The following SNAP91 variants were observed in gnomAD, a reference collection of about 807,000 sequenced individuals.
The protein encoded by SNAP91 is clathrin coat assembly protein AP180.
SNAP91 carries 27 observed loss-of-function variants against 100.3 expected under a neutral mutation model. The observed-to-expected ratio is 0.27, with a 90% CI of 0.20 to 0.37. SNAP91 has a LOEUF of 0.37. Ranked by LOEUF, SNAP91 falls within the 10% of genes least tolerant of loss-of-function variation. The pLI, the probability that SNAP91 is intolerant of heterozygous loss-of-function variation, is 1.00. For missense variants in SNAP91, 986 were observed against 1,123.7 expected (o/e 0.88, Z 1.75); for synonymous variants, 404 against 398.6 (o/e 1.01, Z -0.16).
At chr6:83,669,427 A>G (rs1239187594) in intron 2 of SNAP91, among the ~76,000 whole-genome samples, 1 of 152,034 alleles carries the variant, frequency 6.6e-6, no homozygotes, top group African/African-American at 2.4e-5. Context: ...TAGAATTCTA[A>G]GTTTTATTTG....
chr6:83,591,185 AC>A (rs764046983), intron 22 of SNAP91, 25 bp downstream of exon 22: 2 of 1,462,760 alleles, frequency 1.4e-6, no homozygotes, highest in East Asian at 2.3e-5. Context: ...TTTAACTTCT[AC>A]AAAATACCAT....
chr6:83,629,930 G>A (rs999134077), intron 8 of SNAP91, among the ~76,000 whole-genome samples: 2 of 152,066 alleles, frequency 1.3e-5, no homozygotes, highest in Non-Finnish European at 2.9e-5. Context: ...TCTTGTTCCA[G>A]TTCTCAGAGG....
chr6:83,706,436 T>C (rs896915936), intron 2 of SNAP91, among the ~76,000 whole-genome samples: 2 of 152,244 alleles, frequency 1.3e-5, no homozygotes, highest in African/African-American at 4.8e-5. Flanking sequence ...ACTGCATATA[T>C]AACATATAAT....
At position 83,582,357 on chromosome 6, in the gene SNAP91, CT is replaced by C; in HGVS notation, c.2015-2del. 1 of 1,609,572 alleles carries C rather than the reference CT, an allele frequency of 6.2e-7. No individual in the cohort carries two copies. The highest frequency in any genetic ancestry group is 2.2e-5 in the East Asian group (1 of 44,792). ...GGCGCCATGAAAGAACCCCCAAATCCTGAAAAAAAGTTCCAAAAAAACAAGC... is the reference window on the plus strand; with the variant it reads ...GGCGCCATGAAAGAACCCCCAAATCCGAAAAAAAGTTCCAAAAAAACAAGC... On this transcript the variant is annotated splice_acceptor_variant, in intron 22 of 29. Coordinates refer to ENST00000369694, the MANE Select transcript of SNAP91 (RefSeq NM_001242792.2). LOFTEE classifies it high-confidence loss of function.
At chr6:83,628,233 A>ATATATATATATATATATATATATATC (rs2097045848) in intron 8 of SNAP91, among the ~76,000 whole-genome samples, 1 of 146,646 alleles carries the variant, frequency 6.8e-6, no homozygotes, top group Non-Finnish European at 1.5e-5. Flanking sequence ...ATATATATAT[A>ATATATATATATATATATATATATATC]TATATATATA....
chr6:83,659,425 CTTTT>C (rs397887198), intron 5 of SNAP91, among the ~76,000 whole-genome samples: 20 of 124,034 alleles, frequency 1.6e-4, no homozygotes, highest in Non-Finnish European at 6.8e-5. Context: ...ATGTTTTCTT[CTTTT>C]TTTTTTTTTT....
Position 83,665,284 on chromosome 6 carries a change from A to G in SNAP91, c.273+155T>C, listed in dbSNP as rs530425026. 1.3e-4 allele frequency among the ~76,000 whole-genome samples: 20 copies of G among 152,198 alleles called. 1 individual carries two copies. In the South Asian group the frequency reaches 4.1e-3, roughly 32 times the overall value. On this transcript the variant is annotated intron_variant, in intron 3 of 29. Coordinates refer to ENST00000369694, the MANE Select transcript of SNAP91 (RefSeq NM_001242792.2). ...TTTATTTTTTGTTAACTAGCTAAGGAGAAGATTAAACTTGTATTCTAGATG... is the reference window on the plus strand; with the variant it reads ...TTTATTTTTTGTTAACTAGCTAAGGGGAAGATTAAACTTGTATTCTAGATG...
intron 2 of SNAP91, among the ~76,000 whole-genome samples, chr6:83,693,346 C>T (rs1197845580): frequency 1.3e-5 from 2 of 152,196 alleles, no homozygotes; most frequent in East Asian, 1.9e-4. Flanking sequence ...AAGTGCTCCA[C>T]ACATCGGCCT....
Position 83,592,553 on chromosome 6 carries a change from A to G in SNAP91, c.1847-15T>C, listed in dbSNP as rs527889745. The G allele has an allele frequency of 1.9e-6, 3 of 1,594,678 alleles. No homozygotes were observed. The African/African-American group carries it at 4.0e-5, about 21-fold the overall frequency. ...AAATGCATCCACTGCAGTGAAGCACAGACAGGAAAAAGTGCATGTCACCCA... is the reference window on the plus strand; with the variant it reads ...AAATGCATCCACTGCAGTGAAGCACGGACAGGAAAAAGTGCATGTCACCCA... On this transcript the variant is annotated splice_polypyrimidine_tract_variant and intron_variant, in intron 20 of 29. Coordinates refer to ENST00000369694, the MANE Select transcript of SNAP91 (RefSeq NM_001242792.2).
At chr6:83,683,915 AC>A (rs1383387901) in intron 2 of SNAP91, among the ~76,000 whole-genome samples, 1 of 152,110 alleles carries the variant, frequency 6.6e-6, no homozygotes, top group African/African-American at 2.4e-5. Flanking sequence ...ACCACACCAC[AC>A]AGATACTACC....
chr6:83,660,621 A>G (rs188559765), intron 5 of SNAP91, among the ~76,000 whole-genome samples: 2 of 152,260 alleles, frequency 1.3e-5, no homozygotes, highest in East Asian at 1.9e-4. Context: ...TTCTGTTTCA[A>G]TGAGGTTTTC....
intron 2 of SNAP91, 81 bp from the exon 3 acceptor site, chr6:83,665,662 G>A: frequency 1.7e-6 from 2 of 1,203,336 alleles, no homozygotes; most frequent in Non-Finnish European, 2.3e-6. Flanking sequence ...ATATAAGCCT[G>A]TTTACTAATA....
chr6:83,632,018 T>G (rs1453216125), intron 8 of SNAP91, among the ~76,000 whole-genome samples: 9 of 152,170 alleles, frequency 5.9e-5, no homozygotes, highest in Non-Finnish European at 1.3e-4. Flanking sequence ...GAGCTCCTTT[T>G]AGCAGTTCTT....
At chr6:83,598,155 A>C (rs531340206) in intron 16 of SNAP91, among the ~76,000 whole-genome samples, 27 of 152,214 alleles carry the variant, frequency 1.8e-4, no homozygotes, top group Admixed American at 4.6e-4. Flanking sequence ...AATTTGCATC[A>C]GTATAAAAAT....
intron 8 of SNAP91, among the ~76,000 whole-genome samples, chr6:83,633,116 G>A (rs1469297252): frequency 1.3e-5 from 2 of 152,096 alleles, no homozygotes; most frequent in Non-Finnish European, 2.9e-5. Context: ...TATGGATGTG[G>A]CTTCCTGTGA....
At chr6:83,690,176 G>A in intron 2 of SNAP91, 1 of 592,316 alleles carries the variant, frequency 1.7e-6, no homozygotes, top group Non-Finnish European at 2.2e-6. Flanking sequence ...GGTTACGAAA[G>A]CAATAACTTA....
intron 2 of SNAP91, among the ~76,000 whole-genome samples, chr6:83,695,449 C>T (rs926977927): frequency 2.0e-5 from 3 of 152,056 alleles, no homozygotes; most frequent in African/African-American, 7.2e-5. Context: ...TTTGAATACA[C>T]TATCATTTTA....
intron 8 of SNAP91, among the ~76,000 whole-genome samples, chr6:83,640,154 A>G (rs899737089): frequency 6.6e-6 from 1 of 152,146 alleles, no homozygotes; most frequent in Non-Finnish European, 1.5e-5. Flanking sequence ...GCATTTTGTG[A>G]TATTATTTTG....
chr6:83,642,035 T>G (rs1382618644), intron 7 of SNAP91, among the ~76,000 whole-genome samples: 1 of 152,176 alleles, frequency 6.6e-6, no homozygotes, highest in Non-Finnish European at 1.5e-5. Flanking sequence ...TTATTGACAC[T>G]GCAGATGGAG....
Sources: gnomAD v4.1 joint callset for allele counts (sites outside exome capture counted in the v4.1 genomes callset) on GRCh38, gnomAD v4.1.1 for gene constraint, MANE v1.5 for transcripts, NCBI Gene and HGNC (gene_info 2026-07-23, HGNC 2026-07-21) for gene names.